The following WASHC3 variants were observed in gnomAD, a reference collection of about 807,000 sequenced individuals.
WASHC3 encodes the protein WASH complex subunit CCDC53.
A neutral mutation model predicts 26.1 loss-of-function variants in WASHC3; 24 were observed. That is an observed-to-expected ratio of 0.92 (90% CI 0.66 to 1.29). The LOEUF is 1.29. Ranked by LOEUF, WASHC3 falls within the 50% of genes most tolerant of loss-of-function variation. The pLI, the probability that WASHC3 is intolerant of heterozygous loss-of-function variation, is 0.00. For synonymous variants in WASHC3, 77 were observed against 75.7 expected, an observed-to-expected ratio of 1.02 and a Z score of -0.09; for missense variants, 214 against 229.6, an observed-to-expected ratio of 0.93 and a Z score of 0.44.
At chr12:102,019,258 T>C (rs1350311240) in intron 6 of WASHC3, 4 of 213,516 alleles carry the variant, frequency 1.9e-5, no homozygotes, top group Non-Finnish European at 3.9e-5. Context: ...TAAATATTAC[T>C]AGTAATAATA....
intron 5 of WASHC3, among the ~76,000 whole-genome samples, chr12:102,039,656 T>C (rs184942236): frequency 1.3e-5 from 2 of 152,166 alleles, no homozygotes; most frequent in Admixed American, 6.5e-5. Flanking sequence ...TATTAAACTA[T>C]GTTAATTTAA....
chr12:102,050,158 C>G (rs1016273370), intron 2 of WASHC3: 1 of 334,344 alleles, frequency 3.0e-6, no homozygotes, highest in East Asian at 9.5e-5. Flanking sequence ...ACAAAAAATA[C>G]AAAAAATTAG....
chr12:102,043,259 TTTTA>T (rs555688390), intron 4 of WASHC3, among the ~76,000 whole-genome samples: 4 of 151,944 alleles, frequency 2.6e-5, no homozygotes, highest in Non-Finnish European at 5.9e-5. Context: ...CCAGAGAATG[TTTTA>T]TTTATTTATT....
chr12:102,037,739 T>C (rs974510717), intron 5 of WASHC3, among the ~76,000 whole-genome samples: 9 of 152,216 alleles, frequency 5.9e-5, no homozygotes, highest in Non-Finnish European at 1.2e-4. Context: ...ATAAGACATA[T>C]GAATAAAAAG....
intron 2 of WASHC3, among the ~76,000 whole-genome samples, chr12:102,048,028 TAAAAC>T (rs1307460800): frequency 2.6e-5 from 4 of 152,184 alleles, no homozygotes; most frequent in African/African-American, 9.6e-5. Flanking sequence ...TTTACACTGT[TAAAAC>T]ATAATGGTAA....
chr12:102,016,584 A>G (rs1876715020), intron 6 of WASHC3, among the ~76,000 whole-genome samples: 1 of 152,196 alleles, frequency 6.6e-6, no homozygotes, highest in African/African-American at 2.4e-5. Context: ...GAGGTCCTTC[A>G]GGAGATATTC....
At chr12:102,043,038 C>T (rs759767154) in intron 4 of WASHC3, among the ~76,000 whole-genome samples, 22 of 152,094 alleles carry the variant, frequency 1.4e-4, no homozygotes, top group African/African-American at 2.9e-4. Flanking sequence ...CTGATTCAAA[C>T]GAATCATCTT....
At chr12:102,032,106 C>T (rs1046932448) in intron 5 of WASHC3, among the ~76,000 whole-genome samples, 2 of 152,130 alleles carry the variant, frequency 1.3e-5, no homozygotes, top group African/African-American at 4.8e-5. Context: ...TCTTGATGGA[C>T]ATCTTTAATA....
chr12:102,028,693 GTTGGTAGAA>G (rs1877302060), intron 5 of WASHC3, among the ~76,000 whole-genome samples: 3 of 151,682 alleles, frequency 2.0e-5, no homozygotes, highest in Admixed American at 2.0e-4. Context: ...GAACAAGGAA[GTTGGTAGAA>G]TTAGATAAGC....
intron 2 of WASHC3, among the ~76,000 whole-genome samples, chr12:102,060,237 T>C (rs1199948198): frequency 6.6e-6 from 1 of 152,234 alleles, no homozygotes; most frequent in East Asian, 1.9e-4. Flanking sequence ...TCCCATTGTC[T>C]TCCCCATCCT....
chr12:102,023,816 T>A (rs1162572734), intron 6 of WASHC3, among the ~76,000 whole-genome samples: 2 of 152,164 alleles, frequency 1.3e-5, no homozygotes, highest in African/African-American at 4.8e-5. Flanking sequence ...TAAGACAATG[T>A]TAATTGTTAC....
intron 6 of WASHC3, chr12:102,017,862 C>G (rs757893472): frequency 2.5e-6 from 1 of 397,218 alleles, no homozygotes; most frequent in Non-Finnish European, 4.9e-6. Context: ...TTTAAGTATA[C>G]GGTAGTGTTT....
At chr12:102,019,822 T>G (rs956061530) in intron 6 of WASHC3, among the ~76,000 whole-genome samples, 1 of 152,176 alleles carries the variant, frequency 6.6e-6, no homozygotes, top group African/African-American at 2.4e-5. Flanking sequence ...CAACTAAAAA[T>G]GAGCCAAAAT....
chr12:102,036,436 G>A (rs532047635), intron 5 of WASHC3, among the ~76,000 whole-genome samples: 21 of 151,606 alleles, frequency 1.4e-4, no homozygotes, highest in African/African-American at 4.1e-4. Context: ...ATAAGGTTCT[G>A]GGATGCAGGT....
At chr12:102,038,806 T>G (rs1371329466) in intron 5 of WASHC3, among the ~76,000 whole-genome samples, 1 of 152,170 alleles carries the variant, frequency 6.6e-6, no homozygotes, top group Non-Finnish European at 1.5e-5. Context: ...AGCTTCCAAA[T>G]GAGCCAATCT....
chr12:102,013,017 G>A lies in WASHC3; in HGVS notation c.*91C>T. On this transcript the variant is annotated 3_prime_UTR_variant, in exon 7 of 7. Transcript: ENST00000240079. Reference sequence around the variant, plus strand: ...GGTAGTGGACATGTGGCCATTTGATGTTTTTATGACTAAGAGAGTTCAGGC... The same window carrying A: ...GGTAGTGGACATGTGGCCATTTGATATTTTTATGACTAAGAGAGTTCAGGC... The A allele has an allele frequency of 1.7e-6, 1 of 589,366 alleles. No homozygotes were observed. Among genetic ancestry groups the A allele is most frequent in the East Asian group, 3.1e-5 (1 of 32,440 alleles). The allele number at this position is 589,366 out of a possible 1,614,324, so 36.5% of individuals were successfully genotyped here. A position where few individuals can be genotyped will look rare whatever the true frequency, so the allele number is the denominator to read the frequency against.
At chr12:102,017,624 A>G (rs1465764691) in intron 6 of WASHC3, 1 of 306,326 alleles carries the variant, frequency 3.3e-6, no homozygotes, top group African/African-American at 2.3e-5. Flanking sequence ...AGATGAGATT[A>G]GAACATCTAG....
intron 6 of WASHC3, among the ~76,000 whole-genome samples, chr12:102,014,957 C>T (rs1876635288): frequency 6.6e-6 from 1 of 152,170 alleles, no homozygotes; most frequent in South Asian, 2.1e-4. Flanking sequence ...GTACCTATGA[C>T]AACTCAAACA....
chr12:102,039,147 T>C (rs2136665879), intron 5 of WASHC3, among the ~76,000 whole-genome samples: 1 of 147,860 alleles, frequency 6.8e-6, no homozygotes, highest in South Asian at 2.2e-4. Context: ...TTTTTTTTTT[T>C]TTTTAATGTA....
Sources: allele counts gnomAD v4.1 joint callset (sites outside exome capture counted in the v4.1 genomes callset), GRCh38; gene constraint gnomAD v4.1.1; transcripts MANE v1.5; gene names NCBI Gene and HGNC (gene_info 2026-07-23, HGNC 2026-07-21).